Variants in RGPD2 observed in about 807,000 individuals in gnomAD.
RGPD2 encodes the protein RANBP2 like and GRIP domain containing 2.
In RGPD2, 2 loss-of-function variants were observed where a neutral mutation model predicts 36.0. The observed-to-expected ratio is 0.06, with a 90% CI of 0.02 to 0.17. The LOEUF (loss-of-function observed/expected upper bound fraction) is 0.17. RGPD2 is among the 10% of genes least tolerant of loss of function. RGPD2 has a pLI of 1.00. For synonymous variants in RGPD2, 19 were observed against 163.8 expected (o/e 0.12, Z 6.75); for missense variants, 40 against 464.3 (o/e 0.09, Z 8.40).
the RGPD2 span, among the ~76,000 whole-genome samples, chr2:87,958,700 A>G: frequency 2.2e-4 from 34 of 152,262 alleles, no homozygotes; most frequent in Non-Finnish European, 4.4e-4. Context: ...TAAGTTTGTT[A>G]CATATGTGAC....
chr2:87,825,366 ACGCCGAGGCCGCCGCCGCCGC>A (rs1219577684), intron 1 of RGPD2, among the ~76,000 whole-genome samples: 5 of 141,888 alleles, frequency 3.5e-5, no homozygotes, highest in Admixed American at 3.5e-4. Flanking sequence ...TCGGGCTCCT[ACGCCGAGGCCGCCGCCGCCGC>A]CGCCGCCGCC....
chr2:87,958,017 CAT>C, the RGPD2 span, among the ~76,000 whole-genome samples: 80 of 152,292 alleles, frequency 5.3e-4, no homozygotes, highest in African/African-American at 2.9e-4. Context: ...GCTAATTAAA[CAT>C]ATGTTTATTT....
chr2:87,985,652 C>A, the RGPD2 span: 1 of 1,327,130 alleles, frequency 7.5e-7, no homozygotes, highest in East Asian at 2.4e-5. Flanking sequence ...TATGTAGTCT[C>A]AATGTTATAT....
At chr2:87,835,009 CAAAT>C in the RGPD2 span, among the ~76,000 whole-genome samples, 2 of 145,994 alleles carry the variant, frequency 1.4e-5, no homozygotes, top group South Asian at 4.5e-4. Context: ...AATATGTCAA[CAAAT>C]AGTTCTGAGA....
the RGPD2 span, among the ~76,000 whole-genome samples, chr2:87,983,388 G>C: frequency 5.1e-5 from 7 of 136,234 alleles, no homozygotes; most frequent in African/African-American, 1.6e-4. Flanking sequence ...GGAAATTGCA[G>C]ACAGCAATTC....
chr2:87,960,153 T>C, the RGPD2 span, among the ~76,000 whole-genome samples: 1 of 151,876 alleles, frequency 6.6e-6, no homozygotes, highest in Non-Finnish European at 1.5e-5. Flanking sequence ...TATGTTTCTA[T>C]TTTTTATATA....
chr2:87,935,253 A>T, the RGPD2 span, among the ~76,000 whole-genome samples: 1 of 149,362 alleles, frequency 6.7e-6, no homozygotes, highest in African/African-American at 2.5e-5. Flanking sequence ...GATATCATTA[A>T]ACAGTATCTG....
At chr2:87,877,804 C>CAAAAAAAAAAAAAAAAAAAAAAAAAAAAA in the RGPD2 span, among the ~76,000 whole-genome samples, 1 of 84,378 alleles carries the variant, frequency 1.2e-5, no homozygotes, top group Non-Finnish European at 2.1e-5. Context: ...GACTCCGTCT[C>CAAAAAAAAAAAAAAAAAAAAAAAAAAAAA]AAAAAAAAAA....
the RGPD2 span, among the ~76,000 whole-genome samples, chr2:87,930,804 T>C: frequency 2.8e-4 from 41 of 147,390 alleles, no homozygotes; most frequent in Non-Finnish European, 1.0e-4. Context: ...AGGGTGTTAT[T>C]TGTCCAGGAA....
the RGPD2 span, among the ~76,000 whole-genome samples, chr2:87,843,164 G>A: frequency 7.1e-6 from 1 of 141,324 alleles, no homozygotes; most frequent in Non-Finnish European, 1.5e-5. Context: ...AGGACTTCAT[G>A]TCTAAAACAC....
rs983959953 is a variant in RGPD2 at position 87,756,462 on chromosome 2, T to C, written c.*930A>G. ...GTAACATGTATCCATGTATCATCAT[T>C]AAGTGATCTCATTTTATATTGTTTA... On this transcript the variant is annotated 3_prime_UTR_variant, in exon 23 of 23. Transcript: ENST00000398146. 14 of 263,602 alleles carry C rather than the reference T, an allele frequency of 5.3e-5. 1 individual carries two copies. Among genetic ancestry groups the C allele is most frequent in the South Asian group, 1.1e-4 (2 of 17,956 alleles). The allele number at this position is 263,602 out of a possible 1,614,324, so 16.3% of individuals were successfully genotyped here. A position where few individuals can be genotyped will look rare whatever the true frequency, so the allele number is the denominator to read the frequency against.
At chr2:87,915,604 GTGTATA>G in the RGPD2 span, among the ~76,000 whole-genome samples, 15 of 137,952 alleles carry the variant, frequency 1.1e-4, no homozygotes, top group South Asian at 2.3e-4. Flanking sequence ...ATATATGTGT[GTGTATA>G]TATATACACA....
At chr2:87,948,191 T>C in the RGPD2 span, among the ~76,000 whole-genome samples, 2 of 152,156 alleles carry the variant, frequency 1.3e-5, no homozygotes, top group African/African-American at 4.8e-5. Context: ...ATGGCTTCAT[T>C]TCTCTACAGC....
At chr2:87,809,425 T>C (rs1228374491) in intron 6 of RGPD2, among the ~76,000 whole-genome samples, 2 of 143,480 alleles carry the variant, frequency 1.4e-5, no homozygotes, top group African/African-American at 5.1e-5. Context: ...TCCCAACACT[T>C]TGGGAGGCCG....
At chr2:87,867,621 G>A in the RGPD2 span, among the ~76,000 whole-genome samples, 1 of 151,894 alleles carries the variant, frequency 6.6e-6, no homozygotes, top group African/African-American at 2.4e-5. Context: ...TCCCAATTAT[G>A]TTTACTCAAA....
the RGPD2 span, among the ~76,000 whole-genome samples, chr2:87,952,053 T>C: frequency 2.0e-5 from 3 of 152,300 alleles, no homozygotes; most frequent in Non-Finnish European, 4.4e-5. Flanking sequence ...AGCCTTTATG[T>C]TCATTTCCAA....
At chr2:87,886,902 T>C in the RGPD2 span, among the ~76,000 whole-genome samples, 128 of 139,182 alleles carry the variant, frequency 9.2e-4, no homozygotes, top group South Asian at 3.1e-3. Flanking sequence ...AGGTTAAGCA[T>C]GTACCCAAGG....
chr2:87,864,356 A>T, the RGPD2 span, among the ~76,000 whole-genome samples: 2 of 152,262 alleles, frequency 1.3e-5, no homozygotes, highest in Admixed American at 6.5e-5. Flanking sequence ...TTGGACCGGG[A>T]CTTACACAGT....
the RGPD2 span, among the ~76,000 whole-genome samples, chr2:87,973,260 C>T: frequency 6.7e-6 from 1 of 149,458 alleles, no homozygotes; most frequent in African/African-American, 2.5e-5. Flanking sequence ...TGACCCCTGC[C>T]CCCACACCCC....
Sources: gnomAD v4.1 joint callset for allele counts (sites outside exome capture counted in the v4.1 genomes callset) on GRCh38, gnomAD v4.1.1 for gene constraint, MANE v1.5 for transcripts, NCBI Gene and HGNC (gene_info 2026-07-23, HGNC 2026-07-21) for gene names.